The following ROBO2 variants were observed in gnomAD, a reference collection of about 807,000 sequenced individuals.
ROBO2 encodes roundabout guidance receptor 2.
Under a neutral mutation model 160.8 loss-of-function variants are expected in ROBO2, and 53 were observed. That is an observed-to-expected ratio of 0.33 (90% confidence interval 0.26 to 0.41). The LOEUF (loss-of-function observed/expected upper bound fraction) is 0.41. Ranked by LOEUF, ROBO2 falls within the 10% of genes least tolerant of loss-of-function variation. ROBO2 has a pLI of 1.00. For missense variants in ROBO2, 1,577 were observed against 1,722.4 expected (o/e 0.92, Z 1.49); for synonymous variants, 664 against 611.7 (o/e 1.09, Z -1.26).
intron 13 of ROBO2, among the ~76,000 whole-genome samples, chr3:77,572,761 C>A (rs1254053336): frequency 6.6e-6 from 1 of 151,782 alleles, no homozygotes. Context: ...TTTTAACTTT[C>A]TAAAGCCAAT....
chr3:77,483,707 A>G (rs2084977779), intron 4 of ROBO2, among the ~76,000 whole-genome samples: 1 of 148,216 alleles, frequency 6.7e-6, no homozygotes, highest in South Asian at 2.1e-4. Flanking sequence ...ATAAGTATAT[A>G]TATTATTATT....
chr3:77,380,097 G>C (rs1021803045), intron 2 of ROBO2, among the ~76,000 whole-genome samples: 1 of 152,214 alleles, frequency 6.6e-6, no homozygotes, highest in South Asian at 2.1e-4. Context: ...CAGTAGAGAA[G>C]TGAGTCTACT....
chr3:76,629,472 A>G (rs772300938), intron 2 of ROBO2, among the ~76,000 whole-genome samples: 5 of 152,136 alleles, frequency 3.3e-5, no homozygotes, highest in African/African-American at 7.2e-5. Context: ...TTGGAGTCCA[A>G]TATCTGAGGA....
intron 1 of ROBO2, among the ~76,000 whole-genome samples, chr3:77,049,008 G>A (rs913229647): frequency 2.0e-4 from 31 of 152,026 alleles, no homozygotes; most frequent in African/African-American, 7.5e-4. Context: ...AACATTTATT[G>A]TTATATCTGA....
chr3:77,511,274 A>G (rs1209243416), intron 5 of ROBO2, among the ~76,000 whole-genome samples: 8 of 152,066 alleles, frequency 5.3e-5, no homozygotes, highest in Admixed American at 1.3e-4. Flanking sequence ...CTCAGAAGAC[A>G]GCCACAGGCT....
intron 2 of ROBO2, among the ~76,000 whole-genome samples, chr3:77,112,815 A>T (rs1356491010): frequency 2.6e-5 from 4 of 152,340 alleles, no homozygotes; most frequent in African/African-American, 7.2e-5. Flanking sequence ...CTGTGGGCCA[A>T]CCAAAACAAC....
At chr3:76,381,976 ATTGTTTTGTT>A (rs760040081) in intron 2 of ROBO2, among the ~76,000 whole-genome samples, 3 of 151,426 alleles carry the variant, frequency 2.0e-5, no homozygotes, top group African/African-American at 4.9e-5. Context: ...TTTGTTTTCT[ATTGTTTTGTT>A]TTGTTTTGTT....
intron 2 of ROBO2, among the ~76,000 whole-genome samples, chr3:77,408,728 T>C (rs2076457014): frequency 6.6e-6 from 1 of 152,072 alleles, no homozygotes; most frequent in Non-Finnish European, 1.5e-5. Flanking sequence ...GTCTGTTTTA[T>C]TATTTTTTTA....
intron 2 of ROBO2, among the ~76,000 whole-genome samples, chr3:76,010,797 A>G (rs2066170159): frequency 6.6e-6 from 1 of 152,246 alleles, no homozygotes; most frequent in Non-Finnish European, 1.5e-5. Context: ...TTGAAATGAA[A>G]TTAACAAAAC....
chr3:76,390,531 G>T (rs1002063191), intron 2 of ROBO2, among the ~76,000 whole-genome samples: 2 of 152,126 alleles, frequency 1.3e-5, no homozygotes, highest in East Asian at 3.8e-4. Flanking sequence ...GCTAGACAAT[G>T]CATCTAAGAT....
intron 2 of ROBO2, among the ~76,000 whole-genome samples, chr3:76,255,122 G>T (rs1365850428): frequency 1.3e-5 from 2 of 152,064 alleles, no homozygotes; most frequent in African/African-American, 4.8e-5. Flanking sequence ...AAGTCATTGT[G>T]CCTGTGGAGG....
chr3:77,625,441 G>A (rs984412942), intron 23 of ROBO2, among the ~76,000 whole-genome samples: 1 of 151,298 alleles, frequency 6.6e-6, no homozygotes, highest in Non-Finnish European at 1.5e-5. Context: ...GCAGTGGCAC[G>A]ATCTCGGCTC....
At chr3:76,353,713 C>A (rs2075006324) in intron 2 of ROBO2, among the ~76,000 whole-genome samples, 1 of 151,956 alleles carries the variant, frequency 6.6e-6, no homozygotes, top group Admixed American at 6.6e-5. Context: ...GCAACCTGTT[C>A]TTTGAGAACA....
At chr3:76,894,114 T>C (rs1482370126) in intron 2 of ROBO2, among the ~76,000 whole-genome samples, 1 of 152,070 alleles carries the variant, frequency 6.6e-6, no homozygotes, top group East Asian at 1.9e-4. Context: ...ATTCAGGTAG[T>C]ACTGCTTATT....
intron 2 of ROBO2, among the ~76,000 whole-genome samples, chr3:76,647,741 A>G: frequency 6.6e-6 from 1 of 152,108 alleles, no homozygotes; most frequent in South Asian, 2.1e-4. Flanking sequence ...TGGGGAGGAC[A>G]TGAGGCAGAC....
rs763526510 is a variant in ROBO2, at chr3:77,565,137, T to C, written c.1849+17T>C. On this transcript the variant is annotated intron_variant, in intron 12 of 25. Transcript: ENST00000461745. ...GCACACAAGGTACTTTCAACAGCTG[T>C]CAACAAGACTGGTTCTAGGCAGAAA... 1 of 1,613,074 alleles carries C rather than the reference T, an allele frequency of 6.2e-7. No homozygotes were observed. Among genetic ancestry groups the C allele is most frequent in the South Asian group, 1.1e-5 (1 of 91,070 alleles).
Position 77,426,679 on chromosome 3 carries a change from A to C in ROBO2, c.389-50735A>C, listed in dbSNP as rs1051521006. Among the ~76,000 whole-genome samples the C allele has an allele frequency of 3.2e-3, 48 of 14,986 alleles. No individual in the cohort carries two copies. The African/African-American group carries it at 0.035, about 11-fold the overall frequency. 9.8% of individuals were successfully genotyped at this position (14,986 alleles called of 152,430 possible). On this transcript the variant is annotated intron_variant, in intron 2 of 25. Coordinates refer to ENST00000461745, the Ensembl canonical transcript of ROBO2. ...AAAGAATAGCTGATATCATTTGGTC[A>C]GGAAGGAAGGAAGGAAGGAAGGAAG...
At chr3:75,993,445 G>A (rs917768774) in intron 2 of ROBO2, among the ~76,000 whole-genome samples, 2 of 152,136 alleles carry the variant, frequency 1.3e-5, no homozygotes, top group Non-Finnish European at 2.9e-5. Flanking sequence ...TGCCATGAAT[G>A]TGAGGCCTCC....
rs773837725 is a variant in ROBO2, at chr3:77,116,185, G to T, written c.388+17845G>T. On this transcript the variant is annotated intron_variant, in intron 2 of 25. Coordinates refer to ENST00000461745, the Ensembl canonical transcript of ROBO2. ...GTAGTGCGTCTAATCTCCTCAGTTC[G>T]CTCCATTCCTGGACAGTGATGGCAG... 4.6e-5 allele frequency among the ~76,000 whole-genome samples: 7 copies of T among 152,262 alleles called. No individual in the cohort carries two copies. In the South Asian group the frequency reaches 1.5e-3, roughly 32 times the overall value.
Sources: gnomAD v4.1 joint callset for allele counts (sites outside exome capture counted in the v4.1 genomes callset) on GRCh38, gnomAD v4.1.1 for gene constraint, MANE v1.5 for transcripts, NCBI Gene and HGNC (gene_info 2026-07-23, HGNC 2026-07-21) for gene names.